CDKAL1: variants seen among roughly 807,000 people sequenced by gnomAD.
CDKAL1 encodes threonylcarbamoyladenosine tRNA methylthiotransferase.
In CDKAL1, 32 loss-of-function variants were observed where a neutral mutation model predicts 68.2. That is an observed-to-expected ratio of 0.47 (90% CI 0.35 to 0.63). The LOEUF is 0.63. Among genes scored for constraint, CDKAL1 ranks in the 30% least tolerant of loss-of-function variants. The pLI, the probability that CDKAL1 is intolerant of heterozygous loss-of-function variation, is 0.00. For synonymous variants in CDKAL1, 234 were observed against 244.3 expected (o/e 0.96, Z 0.39); for missense variants, 606 against 696.7 (o/e 0.87, Z 1.47).
intron 5 of CDKAL1, among the ~76,000 whole-genome samples, chr6:20,720,890 C>G (rs1430583373): frequency 6.6e-6 from 1 of 152,226 alleles, no homozygotes; most frequent in Non-Finnish European, 1.5e-5. Context: ...CCTTATTTCA[C>G]TTGAGATAAT....
chr6:20,568,627 T>C (rs1031945376), intron 4 of CDKAL1, among the ~76,000 whole-genome samples: 2 of 149,070 alleles, frequency 1.3e-5, no homozygotes, highest in African/African-American at 2.5e-5. Flanking sequence ...CCCAGCTGCT[T>C]GGAAGGCTGA....
At chr6:20,738,449 A>G (rs1024174860) in intron 5 of CDKAL1, among the ~76,000 whole-genome samples, 5 of 146,302 alleles carry the variant, frequency 3.4e-5, no homozygotes, top group Non-Finnish European at 6.0e-5. Flanking sequence ...AAATAGCCAT[A>G]TATGTATACT....
intron 4 of CDKAL1, among the ~76,000 whole-genome samples, chr6:20,616,706 A>C (rs1766920285): frequency 6.6e-6 from 1 of 151,830 alleles, no homozygotes. Context: ...TTTTCTAGAT[A>C]TATTTGACTT....
intron 5 of CDKAL1, among the ~76,000 whole-genome samples, chr6:20,688,782 C>G (rs1770743831): frequency 6.6e-6 from 1 of 152,200 alleles, no homozygotes; most frequent in Non-Finnish European, 1.5e-5. Context: ...TTCAAATTGT[C>G]TTTGATGCTT....
At chr6:20,612,143 C>A (rs966877009) in intron 4 of CDKAL1, among the ~76,000 whole-genome samples, 8 of 152,132 alleles carry the variant, frequency 5.3e-5, no homozygotes, top group Non-Finnish European at 1.0e-4. Context: ...TTTCTTTATC[C>A]ATTTTTCTGT....
chr6:21,197,185 T>C (rs1740200817), intron 13 of CDKAL1, among the ~76,000 whole-genome samples: 1 of 151,704 alleles, frequency 6.6e-6, no homozygotes, highest in African/African-American at 2.4e-5. Flanking sequence ...ATAATAATAA[T>C]ACTTGATACC....
chr6:20,606,778 A>T (rs752391019), intron 4 of CDKAL1, among the ~76,000 whole-genome samples: 2 of 152,218 alleles, frequency 1.3e-5, no homozygotes, highest in African/African-American at 4.8e-5. Context: ...AATCTATTTC[A>T]ATTCAGGGTG....
In CDKAL1 at chr6:20,951,988, T is replaced by G. The variant is rs191323033; in HGVS notation, c.743-3431T>G. ...TTTTTTTTTTTTTTGAGACGGAGTCTTGCTCTGTCGCCCAGGCTGGAGTGC... is the reference window on the plus strand; with the variant it reads ...TTTTTTTTTTTTTTGAGACGGAGTCGTGCTCTGTCGCCCAGGCTGGAGTGC... On this transcript the variant is annotated intron_variant, in intron 9 of 15. Transcript: ENST00000274695. Among the ~76,000 whole-genome samples the G allele has an allele frequency of 7.4e-4, 110 of 148,498 alleles. 2 individuals are homozygous for G. Among genetic ancestry groups the G allele is most frequent in the Admixed American group, 7.3e-3 (108 of 14,804 alleles).
At chr6:21,064,264 G>T (rs565260446) in intron 11 of CDKAL1, among the ~76,000 whole-genome samples, 114 of 152,190 alleles carry the variant, frequency 7.5e-4, no homozygotes, top group African/African-American at 2.7e-3. Context: ...CAGAATGAGG[G>T]AGCTAATCAA....
intron 6 of CDKAL1, among the ~76,000 whole-genome samples, chr6:20,754,765 T>A (rs1314477941): frequency 1.3e-5 from 2 of 152,234 alleles, no homozygotes; most frequent in African/African-American, 4.8e-5. Context: ...TTTGTTGATG[T>A]TGTCCTTTGA....
chr6:20,707,821 A>G (rs537027223), intron 5 of CDKAL1, among the ~76,000 whole-genome samples: 4 of 152,364 alleles, frequency 2.6e-5, no homozygotes, highest in Admixed American at 2.6e-4. Flanking sequence ...TTATGCTTAA[A>G]GAAATCTTAA....
intron 2 of CDKAL1, among the ~76,000 whole-genome samples, chr6:20,542,680 G>A (rs1391152377): frequency 2.0e-5 from 3 of 152,012 alleles, no homozygotes; most frequent in African/African-American, 4.8e-5. Context: ...CAGGTCTCCC[G>A]TTGGTAACAT....
intron 10 of CDKAL1, among the ~76,000 whole-genome samples, chr6:20,995,084 A>T (rs929322284): frequency 6.6e-6 from 1 of 152,222 alleles, no homozygotes; most frequent in Non-Finnish European, 1.5e-5. Flanking sequence ...ACAACTCATC[A>T]TCTGTTCAAG....
intron 13 of CDKAL1, among the ~76,000 whole-genome samples, chr6:21,144,689 A>T (rs1414217594): frequency 6.6e-6 from 1 of 151,454 alleles, no homozygotes; most frequent in African/African-American, 2.4e-5. Flanking sequence ...AGTCCCAGCT[A>T]CCTGGGAGGC....
chr6:20,623,383 A>G lies in CDKAL1; in HGVS notation c.287-25910A>G, dbSNP rs143085367. Among the ~76,000 whole-genome samples, 1,114 of 152,208 alleles carry G rather than the reference A, an allele frequency of 7.3e-3. 11 individuals are homozygous for G. Among genetic ancestry groups the G allele is most frequent in the African/African-American group, 0.025 (1,047 of 41,564 alleles). On this transcript the variant is annotated intron_variant, in intron 4 of 15. Transcript: ENST00000274695. ...TTTTGGATATTTGGAATAGGATATG[A>G]CATTATTATATAACATAGTTTGTCA... is the stretch of plus-strand genomic sequence containing the variant.
At chr6:20,913,274 G>T (rs1762556494) in intron 9 of CDKAL1, among the ~76,000 whole-genome samples, 1 of 152,008 alleles carries the variant, frequency 6.6e-6, no homozygotes, top group African/African-American at 2.4e-5. Flanking sequence ...CAATGCTGAG[G>T]TCTCATCCAA....
At chr6:20,950,970 A>G (rs75708988) in intron 9 of CDKAL1, among the ~76,000 whole-genome samples, 2 of 35,456 alleles carry the variant, frequency 5.6e-5, no homozygotes, top group South Asian at 2.8e-3. Flanking sequence ...ACAGTCTCAG[A>G]AAAAAAAAAA....
At chr6:20,914,258 C>T (rs1441113803) in intron 9 of CDKAL1, among the ~76,000 whole-genome samples, 1 of 152,146 alleles carries the variant, frequency 6.6e-6, no homozygotes, top group Non-Finnish European at 1.5e-5. Flanking sequence ...CCACTGCACT[C>T]CCGCCTGGGT....
chr6:21,206,871 A>G (rs9366391), intron 15 of CDKAL1, among the ~76,000 whole-genome samples: 22,095 of 152,022 alleles, frequency 0.15, 1,684 homozygotes, highest in East Asian at 0.23. Flanking sequence ...TTCAGTAAGT[A>G]TCACTTTAAA....
Sources: allele counts gnomAD v4.1 joint callset (sites outside exome capture counted in the v4.1 genomes callset), GRCh38; gene constraint gnomAD v4.1.1; transcripts MANE v1.5; gene names NCBI Gene and HGNC (gene_info 2026-07-23, HGNC 2026-07-21).